ADD2: variants seen among roughly 807,000 people sequenced by gnomAD.
ADD2 encodes the protein adducin 2, also known as beta-adducin.
Under a neutral mutation model 83.0 loss-of-function variants are expected in ADD2, and 23 were observed. The ratio of observed to expected loss-of-function variants is 0.28; its 90% CI spans 0.20 to 0.39. The LOEUF (loss-of-function observed/expected upper bound fraction) is 0.39. Among genes scored for constraint, ADD2 ranks in the 10% least tolerant of loss-of-function variants. ADD2 has a pLI of 1.00. For missense variants in ADD2, 758 were observed against 944.9 expected (o/e 0.80, Z 2.59); for synonymous variants, 375 against 375.4 (o/e 1.00, Z 0.01).
At chr2:70,709,799 C>T (rs1672085146) in intron 2 of ADD2, among the ~76,000 whole-genome samples, 1 of 152,242 alleles carries the variant, frequency 6.6e-6, no homozygotes, top group Non-Finnish European at 1.5e-5. Context: ...AAAGAACACA[C>T]ATTGGCCTTG....
At chr2:70,754,884 C>T (rs1330279547) in intron 1 of ADD2, among the ~76,000 whole-genome samples, 1 of 152,178 alleles carries the variant, frequency 6.6e-6, no homozygotes, top group Non-Finnish European at 1.5e-5. Context: ...ACCTGCTAAT[C>T]ACCTTTTAAT....
chr2:70,763,347 T>C (rs1230445543), intron 1 of ADD2, among the ~76,000 whole-genome samples: 1 of 151,952 alleles, frequency 6.6e-6, no homozygotes, highest in East Asian at 1.9e-4. Flanking sequence ...CAGGCTAAAA[T>C]TGTAGCAGCC....
chr2:70,709,559 T>A lies in ADD2; in HGVS notation c.-34-3117A>T, dbSNP rs565798454. On this transcript the variant is annotated intron_variant, in intron 2 of 15. Coordinates refer to ENST00000264436, the MANE Select transcript of ADD2 (RefSeq NM_001617.4). ...TAGCTGCATGGGCTTGGGCAAGTCATTGCCTCTCTCTGGGTCTCACTTTGC... is the reference window on the plus strand; with the variant it reads ...TAGCTGCATGGGCTTGGGCAAGTCAATGCCTCTCTCTGGGTCTCACTTTGC... Among the ~76,000 whole-genome samples, 3 of 152,300 alleles carry A rather than the reference T, an allele frequency of 2.0e-5. No homozygotes were observed. The South Asian group carries it at 6.2e-4, about 32-fold the overall frequency.
chr2:70,674,918 G>T (rs1312807396), intron 13 of ADD2, 93 bp from the exon 14 acceptor site: 1 of 1,511,990 alleles, frequency 6.6e-7, no homozygotes, highest in Non-Finnish European at 8.9e-7. Context: ...GGCTGCAAGC[G>T]GTCTTGCTAG....
intron 15 of ADD2, among the ~76,000 whole-genome samples, chr2:70,666,285 T>C (rs746706117): frequency 5.9e-5 from 9 of 152,236 alleles, no homozygotes; most frequent in Non-Finnish European, 1.0e-4. Flanking sequence ...AATGGATTTA[T>C]TCTAACCAAG....
intron 4 of ADD2, 47 bp downstream of exon 4, chr2:70,704,274 C>T: frequency 7.2e-7 from 1 of 1,391,800 alleles, no homozygotes; most frequent in Non-Finnish European, 9.8e-7. Flanking sequence ...CCCCACCCCA[C>T]CCTCCCCTCC....
At chr2:70,741,205 G>T (rs1056650451) in intron 1 of ADD2, 1 of 152,128 alleles carries the variant, frequency 6.6e-6, no homozygotes, top group African/African-American at 2.4e-5. Flanking sequence ...ACAAGAACAC[G>T]GCAAAGAACA....
chr2:70,767,518 A>AGGGAG (rs1574342224), intron 1 of ADD2: 6 of 353,692 alleles, frequency 1.7e-5, no homozygotes, highest in East Asian at 2.0e-4. Context: ...AGGGGAGGGG[A>AGGGAG]GGGAGGGGAG....
intron 1 of ADD2, among the ~76,000 whole-genome samples, chr2:70,766,300 GGGA>G (rs1203378709): frequency 1.3e-5 from 2 of 152,166 alleles, no homozygotes; most frequent in African/African-American, 2.4e-5. Flanking sequence ...GCCCTATGCA[GGGA>G]GGAGTAGGGA....
intron 2 of ADD2, among the ~76,000 whole-genome samples, chr2:70,708,097 T>C (rs1671995662): frequency 6.6e-6 from 1 of 152,224 alleles, no homozygotes; most frequent in South Asian, 2.1e-4. Context: ...CTCCACACAC[T>C]ACCTTTGCAG....
At position 70,758,867 on chromosome 2, in the gene ADD2, G is replaced by T. The variant is rs141073411; in HGVS notation, c.-154+9019C>A. ...CTGGAAGCAGGGAAGAAGGTGGGGG[G>T]ACTCTAAAGTAATCCAGAGTTTCAG... On this transcript the variant is annotated intron_variant, in intron 1 of 15. Transcript: ENST00000264436. Among the ~76,000 whole-genome samples the T allele has an allele frequency of 3.2e-4, 49 of 152,230 alleles. 1 individual carries two copies. The East Asian group carries it at 9.3e-3, about 29-fold the overall frequency.
At position 70,657,845 on chromosome 2, in the gene ADD2, G is replaced by C. The variant is rs1553364376; in HGVS notation, c.*5580C>G. 6.6e-6 allele frequency: 1 copy of C among 152,240 alleles called. No individual in the cohort carries two copies. 9.4% of individuals were successfully genotyped at this position (152,240 alleles called of 1,614,324 possible). On this transcript the variant is annotated 3_prime_UTR_variant, in exon 16 of 16. Coordinates refer to ENST00000264436, the MANE Select transcript of ADD2 (RefSeq NM_001617.4). ...CAGTTCGGGACACAGTGGGTGAGGAGAGGAGCCCAGGACCTGACTCTACTA... is the reference window on the plus strand; with the variant it reads ...CAGTTCGGGACACAGTGGGTGAGGACAGGAGCCCAGGACCTGACTCTACTA...
At chr2:70,715,593 A>T (rs1219378253) in intron 1 of ADD2, among the ~76,000 whole-genome samples, 1 of 152,000 alleles carries the variant, frequency 6.6e-6, no homozygotes, top group Non-Finnish European at 1.5e-5. Context: ...AGGCGGCAGG[A>T]GTTAGGGCAG....
intron 8 of ADD2, among the ~76,000 whole-genome samples, chr2:70,690,481 T>C (rs1168693022): frequency 6.6e-6 from 1 of 152,026 alleles, no homozygotes; most frequent in Non-Finnish European, 1.5e-5. Flanking sequence ...CTGTGAATAG[T>C]TGTGCTATAA....
rs551135930 is a variant in ADD2, at chr2:70,662,695, G to C, written c.*730C>G. The C allele has an allele frequency of 6.6e-6, 1 of 152,214 alleles. No homozygotes were observed. Among genetic ancestry groups the C allele is most frequent in the South Asian group, 2.1e-4 (1 of 4,816 alleles). 9.4% of individuals were successfully genotyped at this position (152,214 alleles called of 1,614,324 possible). A position where few individuals can be genotyped will look rare whatever the true frequency, so the allele number is the denominator to read the frequency against. ...GTGCCTGAGATGCACAATTCAAAGG[G>C]GTCAAGTTCCTGGCCTCTTATGTTG... On this transcript the variant is annotated 3_prime_UTR_variant, in exon 16 of 16. Coordinates refer to ENST00000264436, the MANE Select transcript of ADD2 (RefSeq NM_001617.4).
rs141640910 is a variant in ADD2 at position 70,676,586 on chromosome 2, G to T, written c.1593+210C>A. ...GGCTGGGCTGCTGTTCTCCAGCCCAGTGCCCACAGGGGCCATCAGACATTG... is the reference window on the plus strand; with the variant it reads ...GGCTGGGCTGCTGTTCTCCAGCCCATTGCCCACAGGGGCCATCAGACATTG... On this transcript the variant is annotated intron_variant, in intron 13 of 15. Coordinates refer to ENST00000264436, the MANE Select transcript of ADD2 (RefSeq NM_001617.4). This position sits in a 1 kb window ranked among gnomAD's most constrained non-coding sequence, Gnocchi z 4.8. 1.8e-5 allele frequency: 26 copies of T among 1,427,496 alleles called. No individual in the cohort carries two copies. Among genetic ancestry groups the T allele is most frequent in the Non-Finnish European group, 2.2e-5 (24 of 1,085,904 alleles). 88.4% of individuals were successfully genotyped at this position (1,427,496 alleles called of 1,614,324 possible). A position where few individuals can be genotyped will look rare whatever the true frequency, so the allele number is the denominator to read the frequency against.
At chr2:70,709,062 GTTAAGT>G (rs1672044734) in intron 2 of ADD2, among the ~76,000 whole-genome samples, 1 of 152,138 alleles carries the variant, frequency 6.6e-6, no homozygotes, top group Non-Finnish European at 1.5e-5. Context: ...CTCAAACTCT[GTTAAGT>G]TTAATTCATC....
chr2:70,670,490 G>A (rs190961383), intron 15 of ADD2, among the ~76,000 whole-genome samples: 2 of 152,304 alleles, frequency 1.3e-5, no homozygotes, highest in East Asian at 1.9e-4. Context: ...GGTGAGCTGG[G>A]ACAAGGGTCT....
intron 1 of ADD2, among the ~76,000 whole-genome samples, chr2:70,732,711 G>A (rs1181566760): frequency 6.6e-6 from 1 of 152,176 alleles, no homozygotes; most frequent in Non-Finnish European, 1.5e-5. Context: ...AACTCGGCCA[G>A]CTAAAGTCTC....
Sources: allele counts gnomAD v4.1 joint callset (sites outside exome capture counted in the v4.1 genomes callset), GRCh38; gene constraint gnomAD v4.1.1; non-coding constraint Gnocchi (gnomAD v3.1); transcripts MANE v1.5; gene names NCBI Gene and HGNC (gene_info 2026-07-23, HGNC 2026-07-21).